Variants in WASHC3 observed in about 807,000 individuals in gnomAD.
The protein encoded by WASHC3 is WASH complex subunit CCDC53.
WASHC3 carries 24 observed loss-of-function variants against 26.1 expected under a neutral mutation model. The ratio of observed to expected loss-of-function variants is 0.92; its 90% CI spans 0.66 to 1.29. WASHC3 has a LOEUF of 1.29. Among genes scored for constraint, WASHC3 ranks in the 50% most tolerant of loss-of-function variants. The pLI, the probability that WASHC3 is intolerant of heterozygous loss-of-function variation, is 0.00. For missense variants in WASHC3, 214 were observed against 229.6 expected, an observed-to-expected ratio of 0.93 and a Z score of 0.44; for synonymous variants, 77 against 75.7, an observed-to-expected ratio of 1.02 and a Z score of -0.09.
intron 2 of WASHC3, among the ~76,000 whole-genome samples, chr12:102,057,939 C>G (rs1490683689): frequency 6.6e-6 from 1 of 151,786 alleles, no homozygotes; most frequent in Non-Finnish European, 1.5e-5. Flanking sequence ...CACAAAAGAC[C>G]CTGAACAGGC....
intron 5 of WASHC3, among the ~76,000 whole-genome samples, chr12:102,034,932 A>G (rs769360753): frequency 2.1e-4 from 32 of 152,040 alleles, no homozygotes; most frequent in African/African-American, 1.7e-4. Flanking sequence ...ATGTCTTACA[A>G]TGTTTCCCAG....
chr12:102,044,569 G>A (rs951702580), intron 3 of WASHC3, among the ~76,000 whole-genome samples: 7 of 152,062 alleles, frequency 4.6e-5, no homozygotes, highest in African/African-American at 7.2e-5. Context: ...CCTGTAAAGT[G>A]GAGATAAGAA....
chr12:102,046,145 A>C, intron 2 of WASHC3, 26 bp from the exon 3 acceptor site: 1 of 1,367,886 alleles, frequency 7.3e-7, no homozygotes, highest in Non-Finnish European at 1.0e-6. Flanking sequence ...TAGAGACATA[A>C]AGACTTTAAT....
chr12:102,053,879 T>C (rs556559362), intron 2 of WASHC3, among the ~76,000 whole-genome samples: 1 of 143,958 alleles, frequency 6.9e-6, no homozygotes, highest in South Asian at 2.1e-4. Context: ...CTATTAAAAA[T>C]AATAATAGCT....
intron 5 of WASHC3, among the ~76,000 whole-genome samples, chr12:102,030,988 T>TG (rs1414859990): frequency 1.4e-4 from 21 of 152,150 alleles, no homozygotes; most frequent in Admixed American, 3.3e-4. Flanking sequence ...AATAGGCAGA[T>TG]TTAATGTCGT....
At chr12:102,036,362 C>CAAAAAAAAAA (rs1271595888) in intron 5 of WASHC3, among the ~76,000 whole-genome samples, 1 of 71,976 alleles carries the variant, frequency 1.4e-5, no homozygotes, top group Non-Finnish European at 2.9e-5. Context: ...GACTCCGTCT[C>CAAAAAAAAAA]AAAAAAAAAA....
chr12:102,038,557 A>C (rs1565816442), intron 5 of WASHC3, among the ~76,000 whole-genome samples: 1 of 152,102 alleles, frequency 6.6e-6, no homozygotes, highest in Non-Finnish European at 1.5e-5. Context: ...GTTGTTTTTT[A>C]ACAAGTCTAT....
chr12:102,029,865 T>C (rs1315471758), intron 5 of WASHC3, among the ~76,000 whole-genome samples: 1 of 152,140 alleles, frequency 6.6e-6, no homozygotes, highest in Non-Finnish European at 1.5e-5. Context: ...CGGGAACTAG[T>C]AGAATTTGAA....
chr12:102,019,050 C>T (rs1055778183), intron 6 of WASHC3, among the ~76,000 whole-genome samples: 3 of 152,138 alleles, frequency 2.0e-5, no homozygotes, highest in Non-Finnish European at 4.4e-5. Context: ...CTGCTCGCCT[C>T]AGCCTCCCAA....
chr12:102,061,803 C>T, intron 1 of WASHC3, 109 bp downstream of exon 1: 1 of 931,844 alleles, frequency 1.1e-6, no homozygotes, highest in Non-Finnish European at 1.6e-6. Flanking sequence ...CACAAGGGCC[C>T]GAGGCCGTGA....
chr12:102,018,029 C>T (rs1876785828), intron 6 of WASHC3, among the ~76,000 whole-genome samples: 1 of 152,202 alleles, frequency 6.6e-6, no homozygotes, highest in South Asian at 2.1e-4. Context: ...TTTGACTACT[C>T]TAGATGCCTC....
chr12:102,060,450 C>A (rs888034303), intron 2 of WASHC3, among the ~76,000 whole-genome samples: 1 of 152,148 alleles, frequency 6.6e-6, no homozygotes, highest in East Asian at 1.9e-4. Flanking sequence ...AGTTCTGGTA[C>A]CTAATCCCTA....
At chr12:102,047,958 C>T (rs1445914959) in intron 2 of WASHC3, among the ~76,000 whole-genome samples, 1 of 152,082 alleles carries the variant, frequency 6.6e-6, no homozygotes, top group Non-Finnish European at 1.5e-5. Flanking sequence ...GTAAAATATC[C>T]TGAACTCAAA....
chr12:102,025,706 A>C (rs1877153387), intron 6 of WASHC3, among the ~76,000 whole-genome samples: 1 of 151,808 alleles, frequency 6.6e-6, no homozygotes, highest in Non-Finnish European at 1.5e-5. Context: ...AAAAAGCAAA[A>C]AAAATTGTCA....
At chr12:102,046,011 T>C (rs1338809088) in intron 3 of WASHC3, 43 bp downstream of exon 3, 3 of 1,147,904 alleles carry the variant, frequency 2.6e-6, no homozygotes, top group Non-Finnish European at 3.8e-6. Context: ...AGCTGGTATA[T>C]GCACAGCAAA....
At chr12:102,060,879 C>T (rs1488389143) in intron 2 of WASHC3, among the ~76,000 whole-genome samples, 1 of 137,132 alleles carries the variant, frequency 7.3e-6, no homozygotes, top group Non-Finnish European at 1.5e-5. Flanking sequence ...CGCTTGAACC[C>T]GGGAGGTGGA....
intron 2 of WASHC3, among the ~76,000 whole-genome samples, chr12:102,047,984 G>A (rs2136678621): frequency 6.6e-6 from 1 of 152,200 alleles, no homozygotes; most frequent in South Asian, 2.1e-4. Flanking sequence ...CAACTCCAGA[G>A]GCAATACACT....
intron 5 of WASHC3, among the ~76,000 whole-genome samples, chr12:102,038,303 A>T (rs1594360705): frequency 6.6e-6 from 1 of 152,236 alleles, no homozygotes; most frequent in Admixed American, 6.5e-5. Context: ...AAAAAGAAAA[A>T]GATTTTTTGA....
intron 6 of WASHC3, among the ~76,000 whole-genome samples, chr12:102,021,784 C>T (rs975177850): frequency 6.6e-6 from 1 of 152,138 alleles, no homozygotes; most frequent in Non-Finnish European, 1.5e-5. Flanking sequence ...ATCCTCCTGG[C>T]AGATAAGGAA....
Sources: allele counts gnomAD v4.1 joint callset (sites outside exome capture counted in the v4.1 genomes callset), GRCh38; gene constraint gnomAD v4.1.1; transcripts MANE v1.5; gene names NCBI Gene and HGNC (gene_info 2026-07-23, HGNC 2026-07-21).